Variants in BAZ2B observed in about 807,000 individuals in gnomAD.
BAZ2B encodes the protein bromodomain adjacent to zinc finger domain 2B, also known as bromodomain adjacent to zinc finger domain protein 2B.
BAZ2B carries 91 observed loss-of-function variants against 246.0 expected under a neutral mutation model. That is an observed-to-expected ratio of 0.37 (90% CI 0.31 to 0.44). The LOEUF is 0.44. Ranked by LOEUF, BAZ2B falls within the 20% of genes least tolerant of loss-of-function variation. BAZ2B has a pLI of 1.00. For synonymous variants in BAZ2B, 855 were observed against 860.0 expected (o/e 0.99, Z 0.10); for missense variants, 2,332 against 2,533.7 (o/e 0.92, Z 1.71).
intron 2 of BAZ2B, among the ~76,000 whole-genome samples, chr2:159,525,544 A>G (rs1477203269): frequency 6.6e-6 from 1 of 151,896 alleles, no homozygotes; most frequent in Non-Finnish European, 1.5e-5. Context: ...GTGTAGATGA[A>G]ACTAATAAAT....
chr2:159,530,060 T>C lies in BAZ2B; in HGVS notation c.-3+25763A>G, dbSNP rs957284080. On this transcript the variant is annotated intron_variant, in intron 2 of 36. Transcript: ENST00000392783. ...TCATCAAAAACAAATCTAAAATTGCTACATAATTATATCTTTAGAAAATGC... is the reference window on the plus strand; with the variant it reads ...TCATCAAAAACAAATCTAAAATTGCCACATAATTATATCTTTAGAAAATGC... 4.6e-5 allele frequency among the ~76,000 whole-genome samples: 7 copies of C among 152,242 alleles called. No individual in the cohort carries two copies. In the East Asian group the frequency reaches 1.2e-3, roughly 25 times the overall value.
intron 8 of BAZ2B, 98 bp downstream of exon 8, chr2:159,438,205 A>T: frequency 1.8e-6 from 2 of 1,104,122 alleles, no homozygotes; most frequent in Non-Finnish European, 2.6e-6. Context: ...TATAAAAATG[A>T]AGGTAGAATT....
At chr2:159,327,355 T>C (rs2148840789) in intron 34 of BAZ2B, among the ~76,000 whole-genome samples, 1 of 152,346 alleles carries the variant, frequency 6.6e-6, no homozygotes, top group Non-Finnish European at 1.5e-5. Context: ...TATTTGTTTC[T>C]TTATTGGCAG....
chr2:159,339,428 C>A (rs1277272143), intron 31 of BAZ2B, among the ~76,000 whole-genome samples: 1 of 152,108 alleles, frequency 6.6e-6, no homozygotes, highest in African/African-American at 2.4e-5. Flanking sequence ...CAGAAAACTT[C>A]CCCCTAACTC....
chr2:159,419,165 C>A (rs563432663), intron 13 of BAZ2B, among the ~76,000 whole-genome samples: 4 of 152,180 alleles, frequency 2.6e-5, no homozygotes, highest in South Asian at 2.1e-4. Context: ...TAGAATGTCA[C>A]ACCTAAAAGC....
chr2:159,620,392 TG>T, upstream of BAZ2B, among the ~76,000 whole-genome samples: 1 of 152,314 alleles, frequency 6.6e-6, no homozygotes, highest in Non-Finnish European at 1.5e-5. Context: ...TGCTAGAGGC[TG>T]GAAAAACATG....
At chr2:159,504,507 AC>A (rs1051665033) in intron 2 of BAZ2B, among the ~76,000 whole-genome samples, 61 of 152,134 alleles carry the variant, frequency 4.0e-4, no homozygotes, top group Admixed American at 9.8e-4. Context: ...TCCAGATTGA[AC>A]CTTAAAATTT....
chr2:159,572,601 T>C (rs1410676334), intron 1 of BAZ2B, among the ~76,000 whole-genome samples: 2 of 151,362 alleles, frequency 1.3e-5, no homozygotes, highest in Admixed American at 6.6e-5. Context: ...AAACTACTCA[T>C]ATATTTTATT....
intron 2 of BAZ2B, among the ~76,000 whole-genome samples, chr2:159,511,685 C>A (rs2082941288): frequency 6.6e-6 from 1 of 152,048 alleles, no homozygotes; most frequent in African/African-American, 2.4e-5. Context: ...CTAAGTGATA[C>A]ACAAACATTT....
rs1240060718 is a variant in BAZ2B, at chr2:159,320,170, T to G, written c.*95A>C. The G allele has an allele frequency of 9.2e-7, 1 of 1,091,952 alleles. No individual in the cohort carries two copies. Among genetic ancestry groups the G allele is most frequent in the Non-Finnish European group, 1.2e-6 (1 of 821,092 alleles). 67.6% of individuals were successfully genotyped at this position (1,091,952 alleles called of 1,614,324 possible). On this transcript the variant is annotated 3_prime_UTR_variant, in exon 37 of 37. Coordinates refer to ENST00000392783, the MANE Select transcript of BAZ2B (RefSeq NM_013450.4). ...TACTTAAGGAAAAAGAAAGTCATTA[T>G]GTATGTGCCTTGCACGTTTATGTAA...
At chr2:159,522,073 T>C (rs73967883) in intron 2 of BAZ2B, among the ~76,000 whole-genome samples, 2,532 of 152,142 alleles carry the variant, frequency 0.017, 65 homozygotes, top group African/African-American at 0.053. Flanking sequence ...AATAATACTT[T>C]TCCCTCAAAA....
chr2:159,594,130 G>A (rs1223541050), intron 1 of BAZ2B, among the ~76,000 whole-genome samples: 1 of 152,156 alleles, frequency 6.6e-6, no homozygotes, highest in Non-Finnish European at 1.5e-5. Context: ...TCGGCCGGGC[G>A]CGGTGGCTCA....
chr2:159,407,656 T>G (rs909462424), intron 14 of BAZ2B, among the ~76,000 whole-genome samples: 1 of 152,120 alleles, frequency 6.6e-6, no homozygotes, highest in African/African-American at 2.4e-5. Context: ...GAGAAGAGAT[T>G]AAAAAAGTCG....
chr2:159,348,553 T>A, intron 30 of BAZ2B, 125 bp downstream of exon 30: 1 of 1,155,998 alleles, frequency 8.7e-7, no homozygotes. Context: ...CTGCGATTGG[T>A]TGAATCCATA....
At chr2:159,357,557 T>C (rs1475486331) in intron 27 of BAZ2B, among the ~76,000 whole-genome samples, 1 of 152,058 alleles carries the variant, frequency 6.6e-6, no homozygotes, top group East Asian at 1.9e-4. Flanking sequence ...GTCAGGATAT[T>C]ATCCAGGAGA....
intron 2 of BAZ2B, among the ~76,000 whole-genome samples, chr2:159,536,665 G>A (rs978705078): frequency 3.3e-5 from 5 of 152,202 alleles, no homozygotes; most frequent in African/African-American, 7.2e-5. Flanking sequence ...GAAGATCTTC[G>A]CTAAATTCTT....
At chr2:159,506,517 T>A (rs1391198808) in intron 2 of BAZ2B, among the ~76,000 whole-genome samples, 1 of 152,176 alleles carries the variant, frequency 6.6e-6, no homozygotes, top group Non-Finnish European at 1.5e-5. Flanking sequence ...AGACTTCTAT[T>A]AGCTGCTTAG....
chr2:159,496,891 T>C (rs1389747548), intron 2 of BAZ2B, among the ~76,000 whole-genome samples: 1 of 151,906 alleles, frequency 6.6e-6, no homozygotes, highest in Non-Finnish European at 1.5e-5. Context: ...ACATTAAGGA[T>C]TTATTCCTTT....
At chr2:159,418,848 G>A (rs2150019970) in intron 13 of BAZ2B, among the ~76,000 whole-genome samples, 1 of 152,196 alleles carries the variant, frequency 6.6e-6, no homozygotes, top group South Asian at 2.1e-4. Context: ...TGTTATGTAA[G>A]TGAATGGAAG....
Sources: allele counts gnomAD v4.1 joint callset (sites outside exome capture counted in the v4.1 genomes callset), GRCh38; gene constraint gnomAD v4.1.1; transcripts MANE v1.5; gene names NCBI Gene and HGNC (gene_info 2026-07-23, HGNC 2026-07-21).